NKAIN2: variants seen among roughly 807,000 people sequenced by gnomAD.
NKAIN2 encodes sodium/potassium transporting ATPase interacting 2.
Under a neutral mutation model 32.6 loss-of-function variants are expected in NKAIN2, and 14 were observed. That is an observed-to-expected ratio of 0.43 (90% CI 0.28 to 0.67). The LOEUF (loss-of-function observed/expected upper bound fraction) is 0.67, where lower values mean the gene tolerates loss of function less well. NKAIN2 is among the 30% of genes least tolerant of loss of function. The pLI is 0.17. For missense variants in NKAIN2, 198 were observed against 258.3 expected (o/e 0.77, Z 1.60); for synonymous variants, 80 against 87.2 (o/e 0.92, Z 0.46).
chr6:124,248,402 C>T (rs1233709714), intron 1 of NKAIN2, among the ~76,000 whole-genome samples: 2 of 151,870 alleles, frequency 1.3e-5, no homozygotes, highest in Non-Finnish European at 2.9e-5. Context: ...TTTATGTCTT[C>T]CTTCCCCCCC....
intron 4 of NKAIN2, among the ~76,000 whole-genome samples, chr6:124,670,752 T>C (rs901816093): frequency 1.3e-5 from 2 of 151,790 alleles, no homozygotes; most frequent in Non-Finnish European, 2.9e-5. Flanking sequence ...ACAATAATTC[T>C]CTCAAGAAAG....
intron 1 of NKAIN2, among the ~76,000 whole-genome samples, chr6:123,960,003 T>C (rs1201630337): frequency 1.3e-5 from 2 of 151,476 alleles, no homozygotes; most frequent in Admixed American, 6.6e-5. Context: ...GTTGTGGGAA[T>C]TTAGGAAATG....
chr6:123,855,339 CG>C (rs1562221646), intron 1 of NKAIN2, among the ~76,000 whole-genome samples: 1 of 152,038 alleles, frequency 6.6e-6, no homozygotes, highest in African/African-American at 2.4e-5. Context: ...ATTTAGAACC[CG>C]GGTGGCACAT....
At chr6:124,403,908 T>C (rs925040252) in intron 3 of NKAIN2, among the ~76,000 whole-genome samples, 2 of 152,228 alleles carry the variant, frequency 1.3e-5, no homozygotes, top group African/African-American at 4.8e-5. Context: ...ATAGTTTCCA[T>C]TTCTTTAGCA....
At chr6:124,813,442 G>GACTTTTGTT in intron 5 of NKAIN2, among the ~76,000 whole-genome samples, 1 of 152,124 alleles carries the variant, frequency 6.6e-6, no homozygotes, top group East Asian at 1.9e-4. Flanking sequence ...CTCAAAGCAA[G>GACTTTTGTT]AACTTAAGAC....
chr6:124,385,163 A>G (rs1319098965), intron 3 of NKAIN2, among the ~76,000 whole-genome samples: 2 of 152,052 alleles, frequency 1.3e-5, no homozygotes, highest in African/African-American at 2.4e-5. Context: ...AAAGCTCAAC[A>G]CCTGAATATA....
At chr6:123,986,223 T>C (rs1237169856) in intron 1 of NKAIN2, among the ~76,000 whole-genome samples, 3 of 152,172 alleles carry the variant, frequency 2.0e-5, no homozygotes, top group Non-Finnish European at 4.4e-5. Context: ...TTGAGCCAAA[T>C]TGAAAGAGAC....
chr6:124,363,933 A>G (rs917306669), intron 3 of NKAIN2, among the ~76,000 whole-genome samples: 3 of 152,154 alleles, frequency 2.0e-5, no homozygotes, highest in Non-Finnish European at 4.4e-5. Flanking sequence ...AGACCAAGAG[A>G]TGATTCAGAT....
chr6:124,780,221 A>T (rs1724920627), intron 4 of NKAIN2, among the ~76,000 whole-genome samples: 1 of 152,054 alleles, frequency 6.6e-6, no homozygotes, highest in Admixed American at 6.6e-5. Flanking sequence ...CCAAGAAGGA[A>T]CTTTCGGGGG....
intron 1 of NKAIN2, among the ~76,000 whole-genome samples, chr6:124,227,252 A>G (rs893595486): frequency 5.3e-5 from 8 of 152,102 alleles, no homozygotes; most frequent in Non-Finnish European, 1.2e-4. Context: ...GTGGATTGAC[A>G]GACATGTGGA....
intron 2 of NKAIN2, among the ~76,000 whole-genome samples, chr6:124,293,647 A>C (rs536076555): frequency 6.6e-6 from 1 of 152,290 alleles, no homozygotes; most frequent in Admixed American, 6.5e-5. Flanking sequence ...TATAAATTTC[A>C]TCAGAGCATA....
intron 2 of NKAIN2, among the ~76,000 whole-genome samples, chr6:124,337,333 C>G (rs371710970): frequency 1.3e-5 from 2 of 151,952 alleles, no homozygotes; most frequent in Admixed American, 6.6e-5. Context: ...CCTGTCTCTA[C>G]GAAACTACAA....
chr6:124,504,652 T>C (rs934410542), intron 3 of NKAIN2, among the ~76,000 whole-genome samples: 2 of 152,188 alleles, frequency 1.3e-5, no homozygotes, highest in Admixed American at 6.5e-5. Context: ...ATAGAAAACA[T>C]TGAATTGAAG....
At chr6:124,626,896 G>C (rs147829736) in intron 3 of NKAIN2, among the ~76,000 whole-genome samples, 1 of 152,022 alleles carries the variant, frequency 6.6e-6, no homozygotes, top group Admixed American at 6.6e-5. Flanking sequence ...CTTTTTTGCC[G>C]TGTTATGTGA....
intron 1 of NKAIN2, among the ~76,000 whole-genome samples, chr6:123,917,513 A>G (rs1004156567): frequency 6.6e-6 from 1 of 152,200 alleles, no homozygotes; most frequent in African/African-American, 2.4e-5. Context: ...AAATTTCTCA[A>G]TATTTGCAAC....
At chr6:124,553,130 T>C (rs1562252515) in intron 3 of NKAIN2, among the ~76,000 whole-genome samples, 2 of 152,202 alleles carry the variant, frequency 1.3e-5, no homozygotes, top group Non-Finnish European at 2.9e-5. Flanking sequence ...ATTTCAAAAT[T>C]GGAGTTGCTT....
At chr6:123,935,672 T>C (rs1365063751) in intron 1 of NKAIN2, among the ~76,000 whole-genome samples, 1 of 152,116 alleles carries the variant, frequency 6.6e-6, no homozygotes, top group Non-Finnish European at 1.5e-5. Flanking sequence ...TTTAATCTTT[T>C]TATATCAGTT....
rs1418685052 is a variant in NKAIN2, at chr6:124,101,506, TA to T, written c.55-181498del. Reference sequence around the variant, plus strand: ...ATGTCAGGAGTATCAGTTTCTTTTTTATTTTTTTAGGAGTATCATTTCTATT... The same window carrying T: ...ATGTCAGGAGTATCAGTTTCTTTTTTTTTTTTTAGGAGTATCATTTCTATT... On this transcript the variant is annotated intron_variant, in intron 1 of 6. Transcript: ENST00000368417. Among the ~76,000 whole-genome samples, 5 of 152,310 alleles carry T rather than the reference TA, an allele frequency of 3.3e-5. No individual in the cohort carries two copies. In the South Asian group the frequency reaches 6.2e-4, roughly 19 times the overall value.
At chr6:124,482,175 G>A (rs1284707009) in intron 3 of NKAIN2, among the ~76,000 whole-genome samples, 1 of 152,112 alleles carries the variant, frequency 6.6e-6, no homozygotes, top group Non-Finnish European at 1.5e-5. Flanking sequence ...TTTATAATGA[G>A]TATGCAGGCA....
Sources: allele counts gnomAD v4.1 joint callset (sites outside exome capture counted in the v4.1 genomes callset), GRCh38; gene constraint gnomAD v4.1.1; transcripts MANE v1.5; gene names NCBI Gene and HGNC (gene_info 2026-07-23, HGNC 2026-07-21).